Variants in RYK observed in about 807,000 individuals in gnomAD.
RYK encodes the protein receptor like tyrosine kinase.
In RYK, 21 loss-of-function variants were observed where a neutral mutation model predicts 70.2. That is an observed-to-expected ratio of 0.30 (90% CI 0.21 to 0.43). The LOEUF is 0.43. Among genes scored for constraint, RYK ranks in the 20% least tolerant of loss-of-function variants. RYK has a pLI of 1.00. For missense variants in RYK, 604 were observed against 753.3 expected (o/e 0.80, Z 2.32); for synonymous variants, 267 against 278.0 (o/e 0.96, Z 0.39).
chr3:134,206,205 T>C (rs1326756339), intron 5 of RYK, among the ~76,000 whole-genome samples: 1 of 152,162 alleles, frequency 6.6e-6, no homozygotes, highest in Non-Finnish European at 1.5e-5. Flanking sequence ...ACTCTGTGCC[T>C]CCCAAGGTGA....
chr3:134,238,606 T>C (rs2015246908), intron 1 of RYK, among the ~76,000 whole-genome samples: 1 of 152,190 alleles, frequency 6.6e-6, no homozygotes, highest in Non-Finnish European at 1.5e-5. Flanking sequence ...GCCAGGAATC[T>C]GCAGGCACTA....
intron 1 of RYK, among the ~76,000 whole-genome samples, chr3:134,228,680 G>A (rs1402098004): frequency 6.6e-6 from 1 of 152,184 alleles, no homozygotes; most frequent in African/African-American, 2.4e-5. Context: ...ATAGAGCACA[G>A]CAATTATTAC....
intron 1 of RYK, among the ~76,000 whole-genome samples, chr3:134,230,652 C>T (rs2107690144): frequency 6.6e-6 from 1 of 152,040 alleles, no homozygotes; most frequent in South Asian, 2.1e-4. Flanking sequence ...CAGTGGTGAC[C>T]CTGGAAAGGG....
At chr3:134,193,569 T>C (rs1475933874) in intron 7 of RYK, among the ~76,000 whole-genome samples, 1 of 152,232 alleles carries the variant, frequency 6.6e-6, no homozygotes, top group Non-Finnish European at 1.5e-5. Flanking sequence ...TAAGAATCCA[T>C]TCTAATGAGC....
intron 13 of RYK, among the ~76,000 whole-genome samples, chr3:134,163,540 A>C (rs1257995081): frequency 4.6e-5 from 7 of 152,204 alleles, no homozygotes; most frequent in African/African-American, 1.7e-4. Flanking sequence ...TATAAGATGT[A>C]AAACAGTTTT....
chr3:134,227,443 C>T (rs1018085325), intron 1 of RYK, among the ~76,000 whole-genome samples: 2 of 151,336 alleles, frequency 1.3e-5, no homozygotes, highest in Non-Finnish European at 2.9e-5. Context: ...ATGCCAACAA[C>T]GATCTTGAAA....
intron 5 of RYK, among the ~76,000 whole-genome samples, chr3:134,205,814 A>G (rs1268081595): frequency 6.6e-6 from 1 of 152,022 alleles, no homozygotes; most frequent in Non-Finnish European, 1.5e-5. Flanking sequence ...TGCCTCGTCT[A>G]TTTCTCCCAC....
intron 1 of RYK, among the ~76,000 whole-genome samples, chr3:134,233,482 G>A (rs2015118453): frequency 6.6e-6 from 1 of 151,860 alleles, no homozygotes; most frequent in South Asian, 2.1e-4. Context: ...CCATCTTAAG[G>A]AAACGAAAGA....
intron 13 of RYK, among the ~76,000 whole-genome samples, chr3:134,167,977 TC>T (rs2012744308): frequency 6.6e-6 from 1 of 152,110 alleles, no homozygotes; most frequent in East Asian, 1.9e-4. Context: ...AACAGATACT[TC>T]TCAAAAGAAG....
At chr3:134,196,009 T>C (rs2013799930) in intron 6 of RYK, among the ~76,000 whole-genome samples, 1 of 152,170 alleles carries the variant, frequency 6.6e-6, no homozygotes, top group Admixed American at 6.6e-5. Context: ...TTGCTTCTTC[T>C]ACTTCCCCAA....
At chr3:134,209,883 T>C (rs1157419575) in intron 3 of RYK, 54 bp from the exon 4 acceptor site, 3 of 1,197,818 alleles carry the variant, frequency 2.5e-6, no homozygotes, top group African/African-American at 3.2e-5. Context: ...TCAACATTAA[T>C]GCCCCAAAAT....
intron 1 of RYK, among the ~76,000 whole-genome samples, chr3:134,245,043 G>A (rs1354052635): frequency 2.6e-5 from 4 of 152,150 alleles, no homozygotes; most frequent in Non-Finnish European, 5.9e-5. Context: ...CCAAAACTGT[G>A]AGAAATAAAT....
chr3:134,218,264 G>A (rs2014622811), intron 2 of RYK, among the ~76,000 whole-genome samples: 1 of 152,196 alleles, frequency 6.6e-6, no homozygotes, highest in African/African-American at 2.4e-5. Flanking sequence ...CTGCTCAGAA[G>A]CTCCCCATTT....
intron 1 of RYK, among the ~76,000 whole-genome samples, chr3:134,228,178 C>G (rs1352631548): frequency 6.6e-6 from 1 of 152,108 alleles, no homozygotes; most frequent in Non-Finnish European, 1.5e-5. Flanking sequence ...GTAGTCCTCA[C>G]TACTTGGGTG....
In RYK at chr3:134,211,591, C is replaced by T. The variant is rs751788725; in HGVS notation, c.371G>A (p.Gly124Glu). 1.2e-6 allele frequency: 2 copies of T among 1,613,128 alleles called. No individual in the cohort carries two copies. Among genetic ancestry groups the T allele is most frequent in the Admixed American group, 3.3e-5 (2 of 60,006 alleles). ...TGCCAAAACATTGTCCACTTGGAATCCCAGCTTATATTCAACCTGTAAAAT... is the reference window on the plus strand; with the variant it reads ...TGCCAAAACATTGTCCACTTGGAATTCCAGCTTATATTCAACCTGTAAAAT... ...HAKSKVEYKL[G>E]FQVDNVLAMD... Residue 124 changes from glycine to glutamate, a missense_variant, in exon 3 of 15, where the codon GGA becomes GAA. This residue lies in a region of RYK where 466 missense variants were observed against 535.9 expected (regional missense o/e 0.87). Coordinates refer to ENST00000623711, the MANE Select transcript of RYK (RefSeq NM_002958.4).
intron 2 of RYK, among the ~76,000 whole-genome samples, chr3:134,214,970 A>G (rs779868880): frequency 2.6e-5 from 4 of 152,170 alleles, no homozygotes; most frequent in Non-Finnish European, 4.4e-5. Context: ...GGATATCTTA[A>G]TCGTCAATTT....
intron 2 of RYK, among the ~76,000 whole-genome samples, chr3:134,218,789 T>A (rs2014642573): frequency 6.6e-6 from 1 of 152,154 alleles, no homozygotes; most frequent in Non-Finnish European, 1.5e-5. Context: ...AGGAGACCAG[T>A]TAGAAGACCA....
chr3:134,195,294 G>A (rs907574033), intron 6 of RYK, 112 bp from the exon 7 acceptor site: 17 of 700,588 alleles, frequency 2.4e-5, no homozygotes, highest in African/African-American at 2.2e-4. Flanking sequence ...AAATCCTTAC[G>A]GAGATCACAA....
rs899918865 is a variant in RYK at position 134,250,738 on chromosome 3, C to G, written c.-84G>C. The G allele has an allele frequency of 8.0e-5, 54 of 676,170 alleles. No homozygotes were observed. The African/African-American group carries it at 1.0e-3, about 13-fold the overall frequency. 41.9% of individuals were successfully genotyped at this position (676,170 alleles called of 1,614,324 possible). ...CCCGGCCCCGAGCCGCTCACAGCCC[C>G]GAGCCGGGGGCGGCTGCCCAGCTCA... On this transcript the variant is annotated 5_prime_UTR_variant, in exon 1 of 15. Coordinates refer to ENST00000623711, the MANE Select transcript of RYK (RefSeq NM_002958.4).
Sources: allele counts gnomAD v4.1 joint callset (sites outside exome capture counted in the v4.1 genomes callset), GRCh38; gene constraint gnomAD v4.1.1; regional missense constraint gnomAD v4.1.1; transcripts MANE v1.5; gene names NCBI Gene and HGNC (gene_info 2026-07-23, HGNC 2026-07-21).